XPO5: variants seen among roughly 807,000 people sequenced by gnomAD.
XPO5 encodes the protein exportin-5.
In XPO5, 46 loss-of-function variants were observed where a neutral mutation model predicts 160.6. The observed-to-expected ratio is 0.29, with a 90% CI of 0.23 to 0.37. The LOEUF is 0.37. Among genes scored for constraint, XPO5 ranks in the 10% least tolerant of loss-of-function variants. The pLI, the probability that XPO5 is intolerant of heterozygous loss-of-function variation, is 1.00. For missense variants in XPO5, 1,090 were observed against 1,463.9 expected (o/e 0.74, Z 4.17); for synonymous variants, 537 against 519.3 (o/e 1.03, Z -0.46).
chr6:43,523,913 C>A lies in XPO5; in HGVS notation c.3570G>T (p.Val1190=), dbSNP rs376380751. 2 of 1,613,902 alleles carry A rather than the reference C, an allele frequency of 1.2e-6. No individual in the cohort carries two copies. Among genetic ancestry groups the A allele is most frequent in the African/African-American group, 2.7e-5 (2 of 74,920 alleles). ...KKTKPMLETE[V]LDNDGGGLAT... is the part of the protein sequence containing the mutation. Reference sequence around the variant, plus strand: ...CCAGGCCACCCCCATCATTGTCCAGCACCTCCGTCTCCAGCATTGGCTTTG... The same window carrying A: ...CCAGGCCACCCCCATCATTGTCCAGAACCTCCGTCTCCAGCATTGGCTTTG... Residue 1190 remains valine (V), a synonymous_variant, in exon 32 of 32, where the codon GTG becomes GTT. Transcript: ENST00000265351.
chr6:43,525,297 G>A (rs1793500684), intron 28 of XPO5, 83 bp from the exon 29 acceptor site: 7 of 1,076,094 alleles, frequency 6.5e-6, no homozygotes, highest in Non-Finnish European at 7.6e-6. Context: ...GAGCCGGAGG[G>A]TTTTTTTTTT....
chr6:43,563,526 A>T (rs1043271278), intron 8 of XPO5, among the ~76,000 whole-genome samples: 1 of 152,196 alleles, frequency 6.6e-6, no homozygotes, highest in Non-Finnish European at 1.5e-5. Context: ...TGTACTGAGA[A>T]ATGCATCGTT....
intron 20 of XPO5, chr6:43,538,771 CT>C (rs539083995): frequency 0.039 from 19,228 of 497,362 alleles, 5 homozygotes; most frequent in Middle Eastern, 0.06. Context: ...CTACATTTTT[CT>C]TTTTTTTTTT....
intron 20 of XPO5, chr6:43,539,675 C>T: frequency 4.1e-6 from 4 of 967,988 alleles, no homozygotes; most frequent in Non-Finnish European, 4.7e-6. Flanking sequence ...GCCTCCAGGC[C>T]CCCCCACTGC....
chr6:43,528,843 G>A lies in XPO5; in HGVS notation c.2760C>T (p.Phe920=). 1.2e-6 allele frequency: 2 copies of A among 1,613,840 alleles called. No homozygotes were observed. The highest frequency in any genetic ancestry group is 1.7e-6 in the Non-Finnish European group (2 of 1,179,794). The stretch of plus-strand genomic sequence containing the variant: ...TATCTCTTACCATATGGAGGTAGGT[G>A]AAAAGAGGTCCGAGGATGGGGGATA... ...ALVSPILGPL[F]TYLHMRLSQK... Residue 920 remains phenylalanine (F), a synonymous_variant, in exon 24 of 32, where the codon TTC becomes TTT. Transcript: ENST00000265351.
Position 43,570,923 on chromosome 6 carries a change from G to T in XPO5, c.372C>A (p.Ile124=), listed in dbSNP as rs776751009. 1 of 1,613,854 alleles carries T rather than the reference G, an allele frequency of 6.2e-7. No individual in the cohort carries two copies. The highest frequency in any genetic ancestry group is 8.5e-7 in the Non-Finnish European group (1 of 1,179,850). The change falls in exon 4 of 32, where the codon ATC becomes ATA. Residue 124 remains isoleucine, a synonymous_variant. Transcript: ENST00000265351. ...GCCAATGCTGTGGCCACTCTCGCTTGATCATTTCCACTACAATTCGAGACA... is the reference window on the plus strand; with the variant it reads ...GCCAATGCTGTGGCCACTCTCGCTTTATCATTTCCACTACAATTCGAGACA... The part of the protein sequence containing the change: ...DALSRIVVEM[I]KREWPQHWPD...
intron 28 of XPO5, 83 bp from the exon 29 acceptor site, chr6:43,525,297 GTTT>G (rs369932860): frequency 7.4e-6 from 8 of 1,076,338 alleles, no homozygotes; most frequent in South Asian, 1.8e-5. Context: ...GAGCCGGAGG[GTTT>G]TTTTTTTTTC....
intron 10 of XPO5, 81 bp from the exon 11 acceptor site, chr6:43,560,384 AT>A (rs1223556285): frequency 6.9e-7 from 1 of 1,448,578 alleles, no homozygotes; most frequent in Admixed American, 2.6e-5. Flanking sequence ...TATCAACTAC[AT>A]TTTTTCATAG....
At chr6:43,550,597 C>A (rs562874863) in intron 15 of XPO5, among the ~76,000 whole-genome samples, 1 of 152,170 alleles carries the variant, frequency 6.6e-6, no homozygotes, top group East Asian at 1.9e-4. Context: ...CACTTTTAGT[C>A]GTGGGACTAC....
chr6:43,539,885 G>T (rs1189686593), intron 20 of XPO5, among the ~76,000 whole-genome samples: 3 of 152,250 alleles, frequency 2.0e-5, no homozygotes, highest in African/African-American at 7.2e-5. Context: ...ATCTCTTTAG[G>T]TTTTCTATCT....
intron 15 of XPO5, chr6:43,550,841 G>A (rs1471327830): frequency 6.6e-6 from 1 of 152,434 alleles, no homozygotes; most frequent in Non-Finnish European, 1.5e-5. Flanking sequence ...TGGAAACCTG[G>A]AAAGTGTTCC....
chr6:43,525,004 CCT>C (rs1249903004), intron 29 of XPO5, 36 bp from the exon 30 acceptor site: 2 of 1,606,806 alleles, frequency 1.2e-6, no homozygotes, highest in African/African-American at 1.3e-5. Flanking sequence ...CCACAGGGGG[CCT>C]CTCTCAAGGC....
intron 23 of XPO5, 45 bp downstream of exon 23, chr6:43,530,643 A>C (rs115112548): frequency 5.6e-6 from 9 of 1,601,282 alleles, no homozygotes; most frequent in Non-Finnish European, 7.7e-6. Context: ...TTCTCTCTCT[A>C]ATTTTCTGAC....
At chr6:43,534,242 C>T (rs1291115341) in intron 20 of XPO5, among the ~76,000 whole-genome samples, 2 of 152,014 alleles carry the variant, frequency 1.3e-5, no homozygotes, top group Non-Finnish European at 2.9e-5. Context: ...AGAACTAAAC[C>T]CCAAGACACA....
chr6:43,539,656 G>T, intron 20 of XPO5: 1 of 1,183,572 alleles, frequency 8.4e-7, no homozygotes, highest in Non-Finnish European at 1.2e-6. Context: ...CCATCCCAGG[G>T]CCACCAGGGC....
intron 20 of XPO5, chr6:43,539,507 AG>A (rs1794563375): frequency 6.4e-7 from 1 of 1,560,362 alleles, no homozygotes; most frequent in African/African-American, 1.3e-5. Flanking sequence ...CAAGCGGCCC[AG>A]CTTGGTGACG....
intron 20 of XPO5, among the ~76,000 whole-genome samples, chr6:43,540,819 G>A (rs1021372486): frequency 3.9e-5 from 6 of 152,040 alleles, no homozygotes; most frequent in South Asian, 4.2e-4. Flanking sequence ...GTTATCACTA[G>A]TATTTTCAAA....
chr6:43,531,911 G>A (rs1040032958), intron 21 of XPO5, among the ~76,000 whole-genome samples: 3 of 151,982 alleles, frequency 2.0e-5, no homozygotes, highest in Admixed American at 6.6e-5. Context: ...CCTTTTTTAA[G>A]CAAAATCTTA....
chr6:43,540,864 T>C (rs1452036354), intron 20 of XPO5, among the ~76,000 whole-genome samples: 3 of 152,044 alleles, frequency 2.0e-5, no homozygotes, highest in Non-Finnish European at 2.9e-5. Context: ...TTTTAAAAAA[T>C]TGAGGCATAA....
Sources: allele counts gnomAD v4.1 joint callset (sites outside exome capture counted in the v4.1 genomes callset), GRCh38; gene constraint gnomAD v4.1.1; transcripts MANE v1.5; gene names NCBI Gene and HGNC (gene_info 2026-07-23, HGNC 2026-07-21).